ADARB1: variants seen among roughly 807,000 people sequenced by gnomAD.
ADARB1 encodes the protein adenosine deaminase RNA specific B1.
A neutral mutation model predicts 52.4 loss-of-function variants in ADARB1; 10 were observed. The ratio of observed to expected loss-of-function variants is 0.19; its 90% confidence interval spans 0.12 to 0.32. The LOEUF is 0.32. Among genes scored for constraint, ADARB1 ranks in the 10% least tolerant of loss-of-function variants. The pLI is 1.00. For missense variants in ADARB1, 643 were observed against 922.3 expected, an observed-to-expected ratio of 0.70 and a Z score of 3.92; for synonymous variants, 349 against 371.1, an observed-to-expected ratio of 0.94 and a Z score of 0.68.
intron 2 of ADARB1, chr21:45,144,483 A>G (rs1286530714): frequency 3.9e-6 from 1 of 254,002 alleles, no homozygotes; most frequent in East Asian, 1.0e-4. Context: ...AAAGAGCTTT[A>G]AGGTATCTTA....
intron 2 of ADARB1, among the ~76,000 whole-genome samples, chr21:45,149,801 C>T (rs183444450): frequency 1.3e-5 from 2 of 152,334 alleles, no homozygotes; most frequent in Admixed American, 6.5e-5. Context: ...TGTTGGTGCT[C>T]ACGGCCTAAT....
At chr21:45,147,860 T>G (rs1185039850) in intron 2 of ADARB1, among the ~76,000 whole-genome samples, 2 of 151,950 alleles carry the variant, frequency 1.3e-5, no homozygotes, top group African/African-American at 2.4e-5. Flanking sequence ...CCTCTCAGCT[T>G]CTCTTCTGAG....
At chr21:45,199,211 C>T (rs781323000) in intron 8 of ADARB1, among the ~76,000 whole-genome samples, 15 of 152,170 alleles carry the variant, frequency 9.9e-5, no homozygotes, top group African/African-American at 2.2e-4. Context: ...CTCTTTGTCC[C>T]GCACCATCTA....
chr21:45,154,308 A>G (rs1241607407), intron 2 of ADARB1, among the ~76,000 whole-genome samples: 1 of 152,212 alleles, frequency 6.6e-6, no homozygotes, highest in Admixed American at 6.5e-5. Context: ...AAACAGTATC[A>G]TGTTATGTGT....
At position 45,185,057 on chromosome 21, in the gene ADARB1, C is replaced by T; in HGVS notation, c.1531C>T (p.Leu511=). 6.2e-7 allele frequency: 1 copy of T among 1,614,210 alleles called. No homozygotes were observed. Among genetic ancestry groups the T allele is most frequent in the East Asian group, 2.2e-5 (1 of 44,882 alleles). ...TWDGVLQGER[L]LTMSCSDKIA... ...GGACGGGGTGCTGCAAGGGGAGCGGCTGCTCACCATGTCCTGCAGTGACAA... is the reference window on the plus strand; with the variant it reads ...GGACGGGGTGCTGCAAGGGGAGCGGTTGCTCACCATGTCCTGCAGTGACAA... The change falls in exon 8 of 11, where the codon CTG becomes TTG. Residue 511 remains leucine, a synonymous_variant. Transcript: ENST00000348831.
chr21:45,122,593 T>TGAAGATGAGCTGCTGGCCCC (rs2088266561), intron 1 of ADARB1, among the ~76,000 whole-genome samples: 1 of 152,154 alleles, frequency 6.6e-6, no homozygotes, highest in South Asian at 2.1e-4. Flanking sequence ...GTGCTGGGGT[T>TGAAGATGAGCTGCTGGCCCC]GAAGATGAGC....
intron 1 of ADARB1, among the ~76,000 whole-genome samples, chr21:45,080,452 C>T (rs2086110517): frequency 6.6e-6 from 1 of 152,200 alleles, no homozygotes; most frequent in African/African-American, 2.4e-5. Context: ...GGAGGCAGGA[C>T]TTCTGCACGT....
At chr21:45,102,887 A>G (rs1454241233) in intron 1 of ADARB1, among the ~76,000 whole-genome samples, 1 of 152,166 alleles carries the variant, frequency 6.6e-6, no homozygotes, top group African/African-American at 2.4e-5. Context: ...CCTTCCAGAG[A>G]GGACAGCATG....
At position 45,141,339 on chromosome 21, in the gene ADARB1, A is replaced by G. The variant is rs530392712; in HGVS notation, c.-48+12766A>G. Among the ~76,000 whole-genome samples, 138 of 152,346 alleles carry G rather than the reference A, an allele frequency of 9.1e-4. 1 individual carries two copies. In the South Asian group the frequency reaches 0.028, roughly 31 times the overall value. On this transcript the variant is annotated intron_variant, in intron 2 of 10. Coordinates refer to ENST00000348831, the MANE Select transcript of ADARB1 (RefSeq NM_001112.4). Reference sequence around the variant, plus strand: ...CTATACTCTCATGATCTAAATATGTAGTAGTGGTTTTACAGAATATATTTC... The same window carrying G: ...CTATACTCTCATGATCTAAATATGTGGTAGTGGTTTTACAGAATATATTTC...
chr21:45,169,661 A>C (rs1361765530), intron 2 of ADARB1, among the ~76,000 whole-genome samples: 3 of 152,234 alleles, frequency 2.0e-5, no homozygotes, highest in Non-Finnish European at 4.4e-5. Flanking sequence ...CTGTCTTCCC[A>C]CTGAGGAAGT....
At chr21:45,092,970 C>T (rs1253782794) in intron 1 of ADARB1, among the ~76,000 whole-genome samples, 1 of 151,796 alleles carries the variant, frequency 6.6e-6, no homozygotes, top group Non-Finnish European at 1.5e-5. Flanking sequence ...TTTCTAAAGT[C>T]GAGGCTATCT....
rs553049907 is a variant in ADARB1 at position 45,158,998 on chromosome 21, T to G, written c.-47-12612T>G. Among the ~76,000 whole-genome samples the G allele has an allele frequency of 1.2e-4, 19 of 152,278 alleles. 1 individual carries two copies. The South Asian group carries it at 3.9e-3, about 32-fold the overall frequency. ...GAGGGAGGCTTAGAATAAAATTTAT[T>G]TTTTTTCTTATGGAAGCAGTACATG... On this transcript the variant is annotated intron_variant, in intron 2 of 10. Transcript: ENST00000348831.
chr21:45,138,967 C>T (rs761364914), intron 2 of ADARB1, among the ~76,000 whole-genome samples: 1 of 150,836 alleles, frequency 6.6e-6, no homozygotes, highest in Non-Finnish European at 1.5e-5. Context: ...GTTGCCTAGG[C>T]TGGAGTGCAG....
chr21:45,167,747 A>G (rs184144504), intron 2 of ADARB1, among the ~76,000 whole-genome samples: 1 of 152,328 alleles, frequency 6.6e-6, no homozygotes, highest in African/African-American at 2.4e-5. Context: ...TCAAAAATAA[A>G]AAATAAAAAA....
Position 45,221,165 on chromosome 21 carries a change from T to G in ADARB1, c.1926+151T>G. The G allele has an allele frequency of 8.3e-6, 9 of 1,080,796 alleles. No homozygotes were observed. The highest frequency in any genetic ancestry group is 1.2e-5 in the Non-Finnish European group (9 of 770,904). 67.0% of individuals were successfully genotyped at this position (1,080,796 alleles called of 1,614,324 possible). ...GGAATGATTCTTCCTTCAGATTGTT[T>G]TAGCTTAGAAGTGTGGCTACGTCCC... On this transcript the variant is annotated intron_variant, in intron 10 of 10. Coordinates refer to ENST00000348831, the MANE Select transcript of ADARB1 (RefSeq NM_001112.4). This position sits in a 1 kb window ranked among gnomAD's most constrained non-coding sequence, Gnocchi z 4.9.
chr21:45,188,069 T>C (rs2092166251), intron 8 of ADARB1, among the ~76,000 whole-genome samples: 1 of 152,176 alleles, frequency 6.6e-6, no homozygotes, highest in Admixed American at 6.5e-5. Context: ...GTAATTATTC[T>C]TAAATGTTTG....
At chr21:45,152,925 A>T (rs1312153531) in intron 2 of ADARB1, among the ~76,000 whole-genome samples, 8 of 152,246 alleles carry the variant, frequency 5.3e-5, no homozygotes, top group Non-Finnish European at 1.2e-4. Flanking sequence ...GTAAACATGA[A>T]TAGAAATCAT....
At chr21:45,139,974 G>A (rs1438669323) in intron 2 of ADARB1, among the ~76,000 whole-genome samples, 4 of 107,450 alleles carry the variant, frequency 3.7e-5, no homozygotes, top group Non-Finnish European at 5.2e-5. Context: ...ACAGAGTTTC[G>A]CTCTTGTCAC....
At chr21:45,139,964 A>C (rs2089630467) in intron 2 of ADARB1, among the ~76,000 whole-genome samples, 1 of 112,448 alleles carries the variant, frequency 8.9e-6, no homozygotes. Context: ...TTTTTTTGAC[A>C]CAGAGTTTCG....
Sources: allele counts gnomAD v4.1 joint callset (sites outside exome capture counted in the v4.1 genomes callset), GRCh38; gene constraint gnomAD v4.1.1; non-coding constraint Gnocchi (gnomAD v3.1); transcripts MANE v1.5; gene names NCBI Gene and HGNC (gene_info 2026-07-23, HGNC 2026-07-21).